The following PSENEN variants were observed in gnomAD, a reference collection of about 807,000 sequenced individuals.
PSENEN encodes the protein gamma-secretase subunit PEN-2.
A neutral mutation model predicts 15.4 loss-of-function variants in PSENEN; 4 were observed. The observed-to-expected ratio is 0.26, with a 90% confidence interval of 0.13 to 0.59. PSENEN has a LOEUF of 0.59. Among genes scored for constraint, PSENEN ranks in the 20% least tolerant of loss-of-function variants. The probability of loss-of-function intolerance (pLI) is 0.89; values close to 1 mark genes in which losing one functional copy is unlikely to be tolerated. For missense variants in PSENEN, 112 were observed against 120.3 expected (o/e 0.93, Z 0.32); for synonymous variants, 42 against 46.5 (o/e 0.90, Z 0.39).
chr19:35,746,802 C>T lies in PSENEN; in HGVS notation c.261C>T (p.Ala87=), dbSNP rs1970589134. The change falls in exon 4 of 4, where the codon GCC becomes GCT. Residue 87 remains alanine, a synonymous_variant. Coordinates refer to ENST00000587708, the MANE Select transcript of PSENEN (RefSeq NM_172341.4). ...IFQIYRPRWG[A]LGDYLSFTIP... ...AGATCTACCGGCCCCGCTGGGGTGCCCTTGGGGACTACCTCTCCTTCACCA... is the reference window on the plus strand; with the variant it reads ...AGATCTACCGGCCCCGCTGGGGTGCTCTTGGGGACTACCTCTCCTTCACCA... 2 of 1,614,006 alleles carry T rather than the reference C, an allele frequency of 1.2e-6. No individual in the cohort carries two copies. The highest frequency in any genetic ancestry group is 1.7e-6 in the Non-Finnish European group (2 of 1,179,986).
At chr19:35,746,320 G>A (rs1970566392) in intron 2 of PSENEN, 99 bp from the exon 3 acceptor site, 2 of 1,048,278 alleles carry the variant, frequency 1.9e-6, no homozygotes, top group Admixed American at 3.6e-5. Context: ...CTTGGGTGTG[G>A]GAGAGTTTCT....
At position 35,745,828 on chromosome 19, in the gene PSENEN, C is replaced by T. The variant is rs1970550139; in HGVS notation, c.-96-7C>T. Reference sequence around the variant, plus strand: ...CCTTTACATTTATCTCTGATTTGTTCTAATAGGGGCGTGGTTGTTCGTGAT... The same window carrying T: ...CCTTTACATTTATCTCTGATTTGTTTTAATAGGGGCGTGGTTGTTCGTGAT... On this transcript the variant is annotated splice_polypyrimidine_tract_variant and splice_region_variant and intron_variant, in intron 1 of 3. Coordinates refer to ENST00000587708, the MANE Select transcript of PSENEN (RefSeq NM_172341.4). 3.5e-6 allele frequency: 4 copies of T among 1,157,142 alleles called. No homozygotes were observed. The South Asian group carries it at 3.7e-5, about 11-fold the overall frequency. The allele number at this position is 1,157,142 out of a possible 1,614,324, so 71.7% of individuals were successfully genotyped here.
Position 35,746,902 on chromosome 19 carries a change from G to A in PSENEN, c.*55G>A, listed in dbSNP as rs201924251. ...ATTCTCCCAGGACAGGCTCCTTAAA[G>A]CAGAGGAGCCTGTCCTGGGAGCCCC... On this transcript the variant is annotated 3_prime_UTR_variant, in exon 4 of 4. Coordinates refer to ENST00000587708, the MANE Select transcript of PSENEN (RefSeq NM_172341.4). The A allele has an allele frequency of 3.4e-5, 53 of 1,564,630 alleles. No individual in the cohort carries two copies. The highest frequency in any genetic ancestry group is 4.2e-5 in the Non-Finnish European group (48 of 1,153,516).
chr19:35,746,565 GA>G, intron 3 of PSENEN, 42 bp downstream of exon 3: 2 of 1,602,510 alleles, frequency 1.2e-6, no homozygotes, highest in South Asian at 1.1e-5. Flanking sequence ...TGGCAGGGGA[GA>G]GGGGGAAGCG....
intron 3 of PSENEN, 77 bp downstream of exon 3, chr19:35,746,600 A>G (rs758437530): frequency 1.9e-6 from 3 of 1,605,844 alleles, no homozygotes; most frequent in Non-Finnish European, 2.6e-6. Context: ...GGAAGGGACA[A>G]TGGAGGATCC....
At chr19:35,746,025 AG>A (rs752104034) in intron 2 of PSENEN, 34 bp downstream of exon 2, 2 of 1,608,832 alleles carry the variant, frequency 1.2e-6, no homozygotes, top group Admixed American at 3.3e-5. Flanking sequence ...AGGAGAAGAG[AG>A]GGGACTGGAC....
chr19:35,746,568 G>A (rs1441533057), intron 3 of PSENEN, 45 bp downstream of exon 3: 2 of 1,600,352 alleles, frequency 1.2e-6, no homozygotes, highest in Non-Finnish European at 1.7e-6. Context: ...CAGGGGAGAG[G>A]GGGAAGCGGG....
Position 35,746,945 on chromosome 19 carries a change from C to T in PSENEN, c.*98C>T, listed in dbSNP as rs1599733733. ...GGAGCCCCTTCTCAAACTCCTAAGA[C>T]TTGTTTTCATGTCCCACGTTCTCTG... On this transcript the variant is annotated 3_prime_UTR_variant, in exon 4 of 4. Transcript: ENST00000587708. 1.8e-5 allele frequency: 24 copies of T among 1,303,492 alleles called. No homozygotes were observed. The highest frequency in any genetic ancestry group is 1.2e-4 in the East Asian group (5 of 40,320). 80.7% of individuals were successfully genotyped at this position (1,303,492 alleles called of 1,614,324 possible). A position where few individuals can be genotyped will look rare whatever the true frequency, so the allele number is the denominator to read the frequency against.
chr19:35,746,491 C>T lies in PSENEN; in HGVS notation c.134C>T (p.Pro45Leu), dbSNP rs1970574616. 1 of 1,613,882 alleles carries T rather than the reference C, an allele frequency of 6.2e-7. No homozygotes were observed. The highest frequency in any genetic ancestry group is 2.2e-5 in the East Asian group (1 of 44,878). Residue 45 changes from proline (P) to leucine (L), a missense_variant, in exon 3 of 4, where the codon CCA (proline) becomes CTA (leucine). Transcript: ENST00000587708. ...FWFFREAFLV[P>L]AYTEQSQIKG... ...TTCTTCCGAGAGGCCTTCCTTGTCC[C>T]AGCCTACACAGAACAGAGCCAAATC...
intron 2 of PSENEN, 37 bp from the exon 3 acceptor site, chr19:35,746,382 T>G: frequency 3.3e-6 from 5 of 1,503,992 alleles, no homozygotes; most frequent in Non-Finnish European, 4.6e-6. Context: ...CCTTATGAGG[T>G]TTTGGGGTTT....
intron 1 of PSENEN, 31 bp from the exon 2 acceptor site, chr19:35,745,804 C>T (rs201118347): frequency 1.0e-6 from 1 of 1,002,660 alleles, no homozygotes; most frequent in Non-Finnish European, 1.6e-6. Context: ...GCAAACCGAC[C>T]TTTACATTTA....
At position 35,746,975 on chromosome 19, in the gene PSENEN, C is replaced by T. The variant is rs1970596837; in HGVS notation, c.*128C>T. Reference sequence around the variant, plus strand: ...TTTCATGTCCCACGTTCTCTGCTGACATCCCCCAATAAAGGACCCTAACTT... The same window carrying T: ...TTTCATGTCCCACGTTCTCTGCTGATATCCCCCAATAAAGGACCCTAACTT... On this transcript the variant is annotated 3_prime_UTR_variant, in exon 4 of 4. Transcript: ENST00000587708. 1.0e-6 allele frequency: 1 copy of T among 955,762 alleles called. No individual in the cohort carries two copies. 59.2% of individuals were successfully genotyped at this position (955,762 alleles called of 1,614,324 possible). A position where few individuals can be genotyped will look rare whatever the true frequency, so the allele number is the denominator to read the frequency against.
Position 35,746,782 on chromosome 19 carries a change from T to C in PSENEN, c.241T>C (p.Tyr81His), listed in dbSNP as rs758461416. The change falls in exon 4 of 4, where the codon TAC becomes CAC. Residue 81 changes from tyrosine to histidine, a missense_variant. By Grantham distance (83) the Tyr-to-His change is moderately conservative. Transcript: ENST00000587708. The stretch of plus-strand genomic sequence containing the variant: ...CTCCTGGATCACCATCTTCCAGATC[T>C]ACCGGCCCCGCTGGGGTGCCCTTGG... ...LTSWITIFQI[Y>H]RPRWGALGDY... 1.2e-6 allele frequency: 2 copies of C among 1,614,116 alleles called. No individual in the cohort carries two copies. The highest frequency in any genetic ancestry group is 2.2e-5 in the South Asian group (2 of 91,074).
intron 3 of PSENEN, 23 bp downstream of exon 3, chr19:35,746,546 G>A (rs1970576909): frequency 6.2e-7 from 1 of 1,606,810 alleles, no homozygotes; most frequent in Non-Finnish European, 8.5e-7. Context: ...CACAGAGGAG[G>A]GAGGCCAGTG....
rs199901294 is a variant in PSENEN, at chr19:35,745,684, G to A, written c.-113G>A. 1 of 617,096 alleles carries A rather than the reference G, an allele frequency of 1.6e-6. No individual in the cohort carries two copies. Among genetic ancestry groups the A allele is most frequent in the South Asian group, 1.9e-5 (1 of 51,650 alleles). The allele number at this position is 617,096 out of a possible 1,614,324, so 38.2% of individuals were successfully genotyped here. ...AAGTAGCTAAGGCACCCCAGCCGGA[G>A]GAAGTGAGCTCTCCTGGTGAGTTGG... On this transcript the variant is annotated 5_prime_UTR_variant, in exon 1 of 4. Coordinates refer to ENST00000587708, the MANE Select transcript of PSENEN (RefSeq NM_172341.4).
Position 35,747,226 on chromosome 19 carries a change from C to CTTTTTTTTTTTTTTTTTTT in PSENEN, c.*397_*398insTTTTTTTTTTTTTTTTTTT, listed in dbSNP as rs36096387. 1.6e-5 allele frequency: 2 copies of CTTTTTTTTTTTTTTTTTTT among 128,372 alleles called. No homozygotes were observed. The highest frequency in any genetic ancestry group is 1.6e-5 in the Non-Finnish European group (1 of 61,998). 8.0% of individuals were successfully genotyped at this position (128,372 alleles called of 1,614,324 possible). On this transcript the variant is annotated 3_prime_UTR_variant, in exon 4 of 4. Coordinates refer to ENST00000587708, the MANE Select transcript of PSENEN (RefSeq NM_172341.4). ...GTGCTTCCATTTCTTTTTCTTTTTT[C>CTTTTTTTTTTTTTTTTTTT]TTTTTTTTTTTTTTTTTTGAGACAG...
At position 35,745,687 on chromosome 19, in the gene PSENEN, A is replaced by C; in HGVS notation, c.-110A>C. 9.7e-6 allele frequency: 6 copies of C among 616,744 alleles called. No homozygotes were observed. In the South Asian group the frequency reaches 1.2e-4, roughly 12 times the overall value. 38.2% of individuals were successfully genotyped at this position (616,744 alleles called of 1,614,324 possible). A position where few individuals can be genotyped will look rare whatever the true frequency, so the allele number is the denominator to read the frequency against. On this transcript the variant is annotated 5_prime_UTR_variant, in exon 1 of 4. Transcript: ENST00000587708. ...TAGCTAAGGCACCCCAGCCGGAGGA[A>C]GTGAGCTCTCCTGGTGAGTTGGGGG... is the stretch of plus-strand genomic sequence containing the variant.
rs574419929 is a variant in PSENEN, at chr19:35,746,787, G to A, written c.246G>A (p.Arg82=). 1.2e-5 allele frequency: 20 copies of A among 1,614,050 alleles called. No homozygotes were observed. The East Asian group carries it at 3.8e-4, about 31-fold the overall frequency. The change falls in exon 4 of 4, where the codon CGG becomes CGA. Residue 82 remains arginine, a synonymous_variant. Coordinates refer to ENST00000587708, the MANE Select transcript of PSENEN (RefSeq NM_172341.4). ...TSWITIFQIY[R]PRWGALGDYL... Reference sequence around the variant, plus strand: ...GGATCACCATCTTCCAGATCTACCGGCCCCGCTGGGGTGCCCTTGGGGACT... The same window carrying A: ...GGATCACCATCTTCCAGATCTACCGACCCCGCTGGGGTGCCCTTGGGGACT...
intron 2 of PSENEN, among the ~76,000 whole-genome samples, 165 bp from the exon 3 acceptor site, chr19:35,746,254 G>T (rs1378653101): frequency 6.6e-6 from 1 of 152,148 alleles, no homozygotes; most frequent in Non-Finnish European, 1.5e-5. Context: ...CAGATTCCTG[G>T]ATCCCAAAGA....
Sources: allele counts gnomAD v4.1 joint callset (sites outside exome capture counted in the v4.1 genomes callset), GRCh38; gene constraint gnomAD v4.1.1; transcripts MANE v1.5; gene names NCBI Gene and HGNC (gene_info 2026-07-23, HGNC 2026-07-21).